Variants in ABCC4 observed in about 807,000 individuals in gnomAD.
ABCC4 encodes the protein ATP-binding cassette sub-family C member 4.
Under a neutral mutation model 168.5 loss-of-function variants are expected in ABCC4, and 102 were observed. The observed-to-expected ratio is 0.61, with a 90% CI of 0.52 to 0.71. The LOEUF is 0.71. Ranked by LOEUF, ABCC4 falls within the 30% of genes least tolerant of loss-of-function variation. ABCC4 has a pLI of 0.00. For synonymous variants in ABCC4, 617 were observed against 590.7 expected, an observed-to-expected ratio of 1.04 and a Z score of -0.65; for missense variants, 1,402 against 1,605.8, an observed-to-expected ratio of 0.87 and a Z score of 2.17.
intron 13 of ABCC4, among the ~76,000 whole-genome samples, chr13:95,175,573 G>T (rs1678372): frequency 0.025 from 3,741 of 152,320 alleles, 173 homozygotes; most frequent in African/African-American, 0.085. Flanking sequence ...TTCCCAAAGT[G>T]CTGGGATTAC....
intron 20 of ABCC4, among the ~76,000 whole-genome samples, chr13:95,110,351 A>G (rs1469244486): frequency 6.6e-6 from 1 of 151,976 alleles, no homozygotes; most frequent in East Asian, 1.9e-4. Flanking sequence ...AAGAATTACA[A>G]ATTATTTTCA....
chr13:95,226,543 T>A (rs1022105910), intron 4 of ABCC4, among the ~76,000 whole-genome samples: 1 of 152,142 alleles, frequency 6.6e-6, no homozygotes, highest in Non-Finnish European at 1.5e-5. Context: ...ATCAGGAAAC[T>A]GGCCCTGGGA....
chr13:95,191,879 C>G (rs1220380186), intron 9 of ABCC4, among the ~76,000 whole-genome samples: 1 of 152,206 alleles, frequency 6.6e-6, no homozygotes, highest in Non-Finnish European at 1.5e-5. Context: ...GTTCTTAGAG[C>G]AGGTTTCTGC....
chr13:95,171,717 T>C (rs1452237145), intron 13 of ABCC4, among the ~76,000 whole-genome samples: 1 of 152,328 alleles, frequency 6.6e-6, no homozygotes, highest in Admixed American at 6.5e-5. Flanking sequence ...TGAGAAGTCA[T>C]AAGCAAGTAT....
chr13:95,220,223 T>C (rs1333053524), intron 4 of ABCC4, among the ~76,000 whole-genome samples: 2 of 152,154 alleles, frequency 1.3e-5, no homozygotes, highest in Non-Finnish European at 2.9e-5. Context: ...GTTTATAATG[T>C]ATCTTCTCAA....
chr13:95,148,160 T>C (rs573281092), intron 19 of ABCC4, among the ~76,000 whole-genome samples: 5 of 152,308 alleles, frequency 3.3e-5, no homozygotes, highest in East Asian at 3.9e-4. Context: ...GTCAAAAAAA[T>C]CAATTTTTAG....
intron 11 of ABCC4, among the ~76,000 whole-genome samples, chr13:95,180,943 G>A (rs375188804): frequency 4.1e-4 from 62 of 152,242 alleles, no homozygotes; most frequent in African/African-American, 1.3e-3. Flanking sequence ...TTATGGACAC[G>A]CCTCAGACAG....
chr13:95,061,034 A>G (rs1355366004), intron 26 of ABCC4, among the ~76,000 whole-genome samples: 1 of 152,200 alleles, frequency 6.6e-6, no homozygotes, highest in Non-Finnish European at 1.5e-5. Flanking sequence ...TTCACTTAGC[A>G]TAATGTCTTT....
At chr13:95,207,721 A>G (rs2038822471) in intron 7 of ABCC4, 79 bp downstream of exon 7, 1 of 1,481,220 alleles carries the variant, frequency 6.8e-7, no homozygotes, top group Non-Finnish European at 9.2e-7. Context: ...GTGAAAACAT[A>G]GTAAAACTTC....
intron 20 of ABCC4, among the ~76,000 whole-genome samples, chr13:95,114,149 C>T (rs1000751357): frequency 4.6e-5 from 7 of 152,056 alleles, no homozygotes; most frequent in Non-Finnish European, 1.0e-4. Flanking sequence ...TTAAGTTTAC[C>T]AAGATTATGT....
chr13:95,132,409 T>C (rs1169529551), intron 19 of ABCC4, among the ~76,000 whole-genome samples: 1 of 152,012 alleles, frequency 6.6e-6, no homozygotes, highest in African/African-American at 2.4e-5. Flanking sequence ...AGAGACAGGG[T>C]TTCACCATGT....
At chr13:95,121,147 C>T (rs1231314966) in intron 19 of ABCC4, among the ~76,000 whole-genome samples, 1 of 152,136 alleles carries the variant, frequency 6.6e-6, no homozygotes, top group Non-Finnish European at 1.5e-5. Flanking sequence ...CTCGGAGGCT[C>T]AGTAGCAACA....
intron 20 of ABCC4, among the ~76,000 whole-genome samples, chr13:95,097,436 AG>A: frequency 6.6e-6 from 1 of 150,694 alleles, no homozygotes; most frequent in East Asian, 1.9e-4. Flanking sequence ...GTAAATACAG[AG>A]AGAGAGAGAG....
intron 25 of ABCC4, among the ~76,000 whole-genome samples, chr13:95,065,346 G>A (rs2033491021): frequency 6.6e-6 from 1 of 152,074 alleles, no homozygotes; most frequent in Non-Finnish European, 1.5e-5. Flanking sequence ...AATAAATGCT[G>A]GCCACAACCC....
intron 19 of ABCC4, among the ~76,000 whole-genome samples, chr13:95,134,519 G>A (rs574671162): frequency 3.3e-5 from 5 of 152,190 alleles, no homozygotes; most frequent in African/African-American, 1.2e-4. Flanking sequence ...TCAGGAGTTC[G>A]AGATCAGCCT....
At chr13:95,193,889 C>T (rs2038336138) in intron 9 of ABCC4, among the ~76,000 whole-genome samples, 1 of 152,216 alleles carries the variant, frequency 6.6e-6, no homozygotes, top group Non-Finnish European at 1.5e-5. Flanking sequence ...ATGCAAGACC[C>T]AATCGGACCA....
At chr13:95,096,054 A>G in intron 20 of ABCC4, 2 of 425,060 alleles carry the variant, frequency 4.7e-6, no homozygotes, top group Non-Finnish European at 8.3e-6. Context: ...TCAAAAAAAC[A>G]ACATTTAGCC....
At chr13:95,210,534 C>T (rs922168104) in intron 5 of ABCC4, among the ~76,000 whole-genome samples, 158 bp downstream of exon 5, 9 of 152,176 alleles carry the variant, frequency 5.9e-5, no homozygotes, top group African/African-American at 9.7e-5. Flanking sequence ...ACAGGAGGAT[C>T]GCACATCACT....
rs1189293428 is a variant in ABCC4 at position 95,234,682 on chromosome 13, G to A, written c.459C>T (p.His153=). The part of the protein sequence containing the change: ...FCTLILAILH[H]LYFYHVQCAG... Reference sequence around the variant, plus strand: ...CACACTGAACGTGATAAAAATATAAGTGATGCAGTATAGCCAAAATGAGCG... The same window carrying A: ...CACACTGAACGTGATAAAAATATAAATGATGCAGTATAGCCAAAATGAGCG... Residue 153 remains histidine, a synonymous_variant, in exon 4 of 31, where the codon CAC becomes CAT. Transcript: ENST00000645237. 6.2e-7 allele frequency: 1 copy of A among 1,613,972 alleles called. No individual in the cohort carries two copies. Among genetic ancestry groups the A allele is most frequent in the Non-Finnish European group, 8.5e-7 (1 of 1,180,024 alleles).
Sources: allele counts gnomAD v4.1 joint callset (sites outside exome capture counted in the v4.1 genomes callset), GRCh38; gene constraint gnomAD v4.1.1; transcripts MANE v1.5; gene names NCBI Gene and HGNC (gene_info 2026-07-23, HGNC 2026-07-21).